PCED1B: variants seen among roughly 807,000 people sequenced by gnomAD.
The protein encoded by PCED1B is PC-esterase domain containing 1B.
For missense variants in PCED1B, 573 were observed against 573.9 expected, an observed-to-expected ratio of 1.00 and a Z score of 0.02; for synonymous variants, 251 against 246.1, an observed-to-expected ratio of 1.02 and a Z score of -0.19.
At chr12:47,191,542 G>A (rs1176349102) in intron 2 of PCED1B, among the ~76,000 whole-genome samples, 4 of 152,102 alleles carry the variant, frequency 2.6e-5, no homozygotes, top group Non-Finnish European at 5.9e-5. Context: ...AGGCAAATTG[G>A]GGGAAGTCAT....
intron 2 of PCED1B, among the ~76,000 whole-genome samples, chr12:47,192,470 A>T (rs182765373): frequency 6.6e-6 from 1 of 152,314 alleles, no homozygotes; most frequent in African/African-American, 2.4e-5. Flanking sequence ...TCAAATGGTA[A>T]ATGATTTCAT....
intron 2 of PCED1B, among the ~76,000 whole-genome samples, chr12:47,126,804 C>T (rs1475815213): frequency 6.6e-6 from 1 of 151,840 alleles, no homozygotes; most frequent in Non-Finnish European, 1.5e-5. Context: ...CATAATATTC[C>T]CTAATTATTC....
intron 2 of PCED1B, among the ~76,000 whole-genome samples, chr12:47,215,461 C>T (rs1943227906): frequency 6.6e-6 from 1 of 151,936 alleles, no homozygotes; most frequent in African/African-American, 2.4e-5. Context: ...ACCATGTTGG[C>T]CAGGCTGGTC....
At chr12:47,084,566 T>G (rs1470757552) in intron 1 of PCED1B, among the ~76,000 whole-genome samples, 1 of 152,246 alleles carries the variant, frequency 6.6e-6, no homozygotes, top group East Asian at 1.9e-4. Flanking sequence ...TCATTCAATA[T>G]GTGTTTTTTT....
At chr12:47,091,016 C>G (rs1437623573) in intron 1 of PCED1B, among the ~76,000 whole-genome samples, 1 of 152,014 alleles carries the variant, frequency 6.6e-6, no homozygotes, top group Admixed American at 6.6e-5. Context: ...GATTCTAATT[C>G]TTTTGGTGAA....
At chr12:47,135,288 AT>A (rs918810750) in intron 2 of PCED1B, among the ~76,000 whole-genome samples, 1 of 152,178 alleles carries the variant, frequency 6.6e-6, no homozygotes, top group East Asian at 1.9e-4. Flanking sequence ...AAGAAAGTTA[AT>A]TTTTTTATTT....
intron 2 of PCED1B, among the ~76,000 whole-genome samples, chr12:47,114,580 C>A (rs886752652): frequency 1.3e-5 from 2 of 152,146 alleles, no homozygotes; most frequent in African/African-American, 4.8e-5. Context: ...ATTACATTGC[C>A]GTTGTTTAGA....
rs79821424 is a variant in PCED1B, at chr12:47,097,238, A to G, written c.-608-6875A>G. On this transcript the variant is annotated intron_variant, in intron 1 of 3. Transcript: ENST00000546455. ...AATACCTAAAATAACTCATATGTCTATAAAGATAAATGTACCTGTAGAAAA... is the reference window on the plus strand; with the variant it reads ...AATACCTAAAATAACTCATATGTCTGTAAAGATAAATGTACCTGTAGAAAA... 1.1e-3 allele frequency among the ~76,000 whole-genome samples: 160 copies of G among 152,342 alleles called. No individual in the cohort carries two copies. The East Asian group carries it at 0.027, about 26-fold the overall frequency.
intron 2 of PCED1B, among the ~76,000 whole-genome samples, chr12:47,190,387 C>T (rs1009306841): frequency 1.3e-5 from 2 of 152,204 alleles, no homozygotes; most frequent in Admixed American, 6.5e-5. Flanking sequence ...TCCTGGTCTC[C>T]AACCTTTGGC....
intron 3 of PCED1B, among the ~76,000 whole-genome samples, chr12:47,233,253 C>A (rs1158184690): frequency 6.6e-6 from 1 of 151,994 alleles, no homozygotes; most frequent in African/African-American, 2.4e-5. Context: ...GCCTCCTGGG[C>A]TCACGCCATT....
chr12:47,202,614 A>AAAAAAG (rs1942799491), intron 2 of PCED1B, among the ~76,000 whole-genome samples: 1 of 150,430 alleles, frequency 6.6e-6, no homozygotes, highest in Non-Finnish European at 1.5e-5. Context: ...AAAAAAAAAA[A>AAAAAAG]AAAAAGAAAA....
chr12:47,092,081 G>A (rs926287807), intron 1 of PCED1B, among the ~76,000 whole-genome samples: 7 of 152,044 alleles, frequency 4.6e-5, no homozygotes, highest in African/African-American at 1.4e-4. Flanking sequence ...AGAAGAACCT[G>A]TAGCTTAGAT....
intron 2 of PCED1B, among the ~76,000 whole-genome samples, chr12:47,151,247 T>C (rs149313582): frequency 6.2e-4 from 94 of 152,182 alleles, no homozygotes; most frequent in African/African-American, 2.2e-3. Flanking sequence ...TAAGATTAAA[T>C]TGTATTTTAC....
chr12:47,173,462 C>T (rs2137564625), intron 2 of PCED1B, among the ~76,000 whole-genome samples: 1 of 152,274 alleles, frequency 6.6e-6, no homozygotes, highest in East Asian at 1.9e-4. Context: ...CCGTGTTAGT[C>T]AGGATGGTCT....
intron 2 of PCED1B, among the ~76,000 whole-genome samples, chr12:47,211,667 A>AC (rs1943085930): frequency 6.9e-6 from 1 of 145,896 alleles, no homozygotes; most frequent in African/African-American, 2.5e-5. Flanking sequence ...AAAAAAAAAA[A>AC]AAAAAAAAAA....
intron 2 of PCED1B, among the ~76,000 whole-genome samples, chr12:47,200,717 A>T (rs1942737888): frequency 6.6e-6 from 1 of 152,230 alleles, no homozygotes. Context: ...CCCTCACCAA[A>T]TGCCTTGCTG....
At chr12:47,131,302 A>C (rs1269189923) in intron 2 of PCED1B, among the ~76,000 whole-genome samples, 1 of 152,220 alleles carries the variant, frequency 6.6e-6, no homozygotes, top group African/African-American at 2.4e-5. Context: ...CCTTGACCTC[A>C]GAATGCCCCC....
intron 3 of PCED1B, chr12:47,223,818 GCCTACTGT>G (rs1172801483): frequency 6.6e-6 from 1 of 152,230 alleles, no homozygotes; most frequent in Non-Finnish European, 1.5e-5. Flanking sequence ...GATTAGAGGG[GCCTACTGT>G]CTGGCAGGCC....
chr12:47,220,741 G>A (rs1177916276), intron 3 of PCED1B, among the ~76,000 whole-genome samples: 1 of 152,154 alleles, frequency 6.6e-6, no homozygotes, highest in Non-Finnish European at 1.5e-5. Context: ...CAGAACCAAA[G>A]GTTAAGTAGA....
Sources: allele counts gnomAD v4.1 joint callset (sites outside exome capture counted in the v4.1 genomes callset), GRCh38; gene constraint gnomAD v4.1.1; transcripts MANE v1.5; gene names NCBI Gene and HGNC (gene_info 2026-07-23, HGNC 2026-07-21).